The following WAS variants were observed in gnomAD, a reference collection of about 807,000 sequenced individuals.
WAS encodes the protein WASP actin nucleation promoting factor, also known as actin nucleation-promoting factor WAS.
WAS carries 1 observed loss-of-function variant against 38.9 expected under a neutral mutation model. The observed-to-expected ratio is 0.03, with a 90% CI of 0.01 to 0.12. The LOEUF (loss-of-function observed/expected upper bound fraction) is 0.12. WAS is among the 10% of genes least tolerant of loss of function. WAS has a pLI of 1.00. For missense variants in WAS, 311 were observed against 431.2 expected, an observed-to-expected ratio of 0.72 and a Z score of 2.47; for synonymous variants, 182 against 173.6, an observed-to-expected ratio of 1.05 and a Z score of -0.38.
chrX:48,690,136 T>C (rs782666810), intron 11 of WAS, among the ~76,000 whole-genome samples: 1 of 111,814 alleles, frequency 8.9e-6, no homozygotes, highest in Non-Finnish European at 1.9e-5. Flanking sequence ...TTTTAAAAAA[T>C]TTTTTTGAAA....
At chrX:48,680,106 T>A (rs2062397957), upstream of WAS, among the ~76,000 whole-genome samples, 1 of 111,702 alleles carries the variant, frequency 9.0e-6, no homozygotes, top group Middle Eastern at 4.7e-3. Context: ...TGACGGCTCC[T>A]CAGAAGAAAC....
At chrX:48,689,914 T>C (rs1439285167) in intron 11 of WAS, among the ~76,000 whole-genome samples, 4 of 107,549 alleles carry the variant, frequency 3.7e-5, no homozygotes, top group East Asian at 3.0e-4. Context: ...GGTGGGAGGA[T>C]TGCTTGACCC....
Position 48,688,830 on chromosome X carries a change from C to A in WAS, c.1102C>A (p.Pro368Thr). 1 of 1,120,454 alleles carries A rather than the reference C, an allele frequency of 8.9e-7. No individual in the cohort carries two copies. Among genetic ancestry groups the A allele is most frequent in the South Asian group, 2.1e-5 (1 of 47,503 alleles). 92.3% of individuals were successfully genotyped at this position (1,120,454 alleles called of 1,213,427 possible). The change falls in exon 10 of 12, where the codon CCA becomes ACA. Residue 368 changes from proline to threonine, a missense_variant. By Grantham distance (38) the Pro-to-Thr change is conservative. Around this residue, in one of 4 missense-constraint regions of WAS, gnomAD observed 142 missense variants for 157.6 expected, o/e 0.90. Transcript: ENST00000376701. ...GPPPPGRGGP[P>T]PPPPPATGRS... ...CCCACCCCCAGGCCGAGGGGGCCCT[C>A]CACCACCACCCCCTCCAGCTACTGG...
At chrX:48,685,397 A>G in intron 2 of WAS, 150 bp from the exon 3 acceptor site, 1 of 502,461 alleles carries the variant, frequency 2.0e-6, no homozygotes. Flanking sequence ...ACACCCTTAG[A>G]CACCAACTCT....
At position 48,691,249 on chromosome X, in the gene WAS, C is replaced by G; in HGVS notation, c.*87C>G. On this transcript the variant is annotated 3_prime_UTR_variant, in exon 12 of 12. Transcript: ENST00000376701. ...CTCTGTGCCCACCCTCCACTCTCCT[C>G]TTCCAGGCCCCCAACCCCCCATTTC... 1 of 946,703 alleles carries G rather than the reference C, an allele frequency of 1.1e-6. No homozygotes were observed. The allele number at this position is 946,703 out of a possible 1,213,427, so 78.0% of individuals were successfully genotyped here.
In WAS at chrX:48,688,760, T is replaced by C; in HGVS notation, c.1032T>C (p.Pro344=). The change falls in exon 10 of 12, where the codon CCT becomes CCC. Residue 344 remains proline, a synonymous_variant. Transcript: ENST00000376701. ...AGGGTCGTTCTGGTCCACTGCCCCC[T>C]GTACCTTTGGGGATTGCCCCACCCC... is the stretch of plus-strand genomic sequence containing the variant. ...GNKGRSGPLP[P]VPLGIAPPPP... 8.6e-7 allele frequency: 1 copy of C among 1,157,828 alleles called. No homozygotes were observed.
chrX:48,686,519 G>A (rs1215682027), intron 6 of WAS, among the ~76,000 whole-genome samples: 4 of 112,551 alleles, frequency 3.6e-5, no homozygotes, highest in African/African-American at 9.7e-5. Context: ...ATGAGTAAAT[G>A]AATATTTTAA....
At chrX:48,686,037 T>C (rs1172632587) in intron 5 of WAS, 44 bp from the exon 6 acceptor site, 12 of 1,208,429 alleles carry the variant, frequency 9.9e-6, no homozygotes, top group Non-Finnish European at 9.0e-6. Flanking sequence ...CCCAGGAACC[T>C]GTGGCAGGGC....
chrX:48,689,541 A>G, intron 11 of WAS, 107 bp downstream of exon 11: 1 of 646,272 alleles, frequency 1.5e-6, no homozygotes. Context: ...CATCTGTTTG[A>G]CAGCATTAAC....
At chrX:48,686,602 TATGA>T (rs1394851240) in intron 6 of WAS, among the ~76,000 whole-genome samples, 175 bp from the exon 7 acceptor site, 1 of 112,392 alleles carries the variant, frequency 8.9e-6, no homozygotes, top group African/African-American at 3.2e-5. Flanking sequence ...TCAGTGAATG[TATGA>T]ATGGTTTGTG....
rs782549811 is a variant in WAS at position 48,685,639 on chromosome X, T to C, written c.360+6T>C. On this transcript the variant is annotated splice_donor_region_variant and intron_variant, in intron 3 of 11. Transcript: ENST00000376701. Reference sequence around the variant, plus strand: ...TCCACACCTTCGCTGGAGATGTAAGTGATCAACCAGCCCTCGGGCCTCACT... The same window carrying C: ...TCCACACCTTCGCTGGAGATGTAAGCGATCAACCAGCCCTCGGGCCTCACT... 9 of 1,191,158 alleles carry C rather than the reference T, an allele frequency of 7.6e-6. No homozygotes were observed. Among genetic ancestry groups the C allele is most frequent in the African/African-American group, 1.8e-5 (1 of 56,350 alleles).
intron 1 of WAS, among the ~76,000 whole-genome samples, chrX:48,677,765 T>C (rs1012732256): frequency 1.8e-5 from 2 of 112,367 alleles, no homozygotes; most frequent in African/African-American, 6.5e-5. Context: ...TAGAACTCTC[T>C]GTGCAAGGGA....
chrX:48,685,965 A>C lies in WAS; in HGVS notation c.483A>C (p.Pro161=), dbSNP rs2062418296. 8.3e-7 allele frequency: 1 copy of C among 1,209,807 alleles called. No homozygotes were observed. The highest frequency in any genetic ancestry group is 1.1e-6 in the Non-Finnish European group (1 of 895,155). Residue 161 remains proline (P), a synonymous_variant, in exon 5 of 12, where the codon CCA becomes CCC. Transcript: ENST00000376701. Reference sequence around the variant, plus strand: ...CCACAGACAGACGCCAGCTACCCCCACCACCAACACCAGCCAATGAAGGTG... The same window carrying C: ...CCACAGACAGACGCCAGCTACCCCCCCCACCAACACCAGCCAATGAAGGTG... ...RQSGDRRQLP[P]PPTPANEERR...
chrX:48,679,044 TC>T (rs1162277196), upstream of WAS, among the ~76,000 whole-genome samples: 4 of 110,053 alleles, frequency 3.6e-5, no homozygotes, highest in East Asian at 1.1e-3. Context: ...TTTTTTTTTT[TC>T]AAGAGCCGAC....
chrX:48,681,089 G>A (rs2062399652), upstream of WAS, among the ~76,000 whole-genome samples: 1 of 112,210 alleles, frequency 8.9e-6, no homozygotes, highest in Non-Finnish European at 1.9e-5. Context: ...CTCACAAGCT[G>A]TGTGACCTCG....
chrX:48,688,268 C>T (rs1557006994), intron 8 of WAS, 32 bp from the exon 9 acceptor site: 1 of 1,185,128 alleles, frequency 8.4e-7, no homozygotes. Context: ...TATTCCTCTA[C>T]TCCTGCCCCT....
In WAS at chrX:48,688,843, C is replaced by T. The variant is rs782706383; in HGVS notation, c.1115C>T (p.Pro372Leu). The T allele has an allele frequency of 2.6e-6, 3 of 1,150,313 alleles. No homozygotes were observed. The highest frequency in any genetic ancestry group is 3.5e-6 in the Non-Finnish European group (3 of 862,973). 94.8% of individuals were successfully genotyped at this position (1,150,313 alleles called of 1,213,427 possible). The stretch of plus-strand genomic sequence containing the variant: ...CGAGGGGGCCCTCCACCACCACCCC[C>T]TCCAGCTACTGGACGTTCTGGACCA... ...PGRGGPPPPP[P>L]PATGRSGPLP... Residue 372 changes from proline to leucine, a missense_variant, in exon 10 of 12, where the codon CCT (proline) becomes CTT (leucine). Physicochemically the swap from Pro to Leu is moderately conservative, Grantham distance 98. This residue lies in a region of WAS where 142 missense variants were observed against 157.6 expected (regional missense o/e 0.90). Coordinates refer to ENST00000376701, the MANE Select transcript of WAS (RefSeq NM_000377.3).
intron 6 of WAS, among the ~76,000 whole-genome samples, 166 bp downstream of exon 6, chrX:48,686,300 T>C (rs1189283370): frequency 1.8e-5 from 2 of 111,147 alleles, no homozygotes; most frequent in Non-Finnish European, 3.8e-5. Flanking sequence ...GGTGGATGGA[T>C]TGGCGGTAGA....
Position 48,689,013 on chromosome X carries a change from G to T in WAS, c.1285G>T (p.Gly429Trp). The T allele has an allele frequency of 8.3e-7, 1 of 1,203,923 alleles. No individual in the cohort carries two copies. The highest frequency in any genetic ancestry group is 1.1e-6 in the Non-Finnish European group (1 of 893,049). Residue 429 changes from glycine (G) to tryptophan (W), a missense_variant, in exon 10 of 12, where the codon GGG becomes TGG. Physicochemically the swap from Gly to Trp is radical, Grantham distance 184. Transcript: ENST00000376701. ...LVPAGGLAPG[G>W]GRGALLDQIR... is the part of the protein sequence containing the mutation. ...GCCTGCCGGGGGCCTGGCCCCTGGT[G>T]GGGGTCGGGGAGCGCTTTTGGATCA...
Sources: allele counts gnomAD v4.1 joint callset (sites outside exome capture counted in the v4.1 genomes callset), GRCh38; gene constraint gnomAD v4.1.1; regional missense constraint gnomAD v4.1.1; transcripts MANE v1.5; gene names NCBI Gene and HGNC (gene_info 2026-07-23, HGNC 2026-07-21).